Variants in CDH18 observed in about 807,000 individuals in gnomAD.
The protein encoded by CDH18 is cadherin-18.
In CDH18, 31 loss-of-function variants were observed where a neutral mutation model predicts 67.9. The ratio of observed to expected loss-of-function variants is 0.46; its 90% CI spans 0.34 to 0.62. The LOEUF (loss-of-function observed/expected upper bound fraction) is 0.62, where lower values mean the gene tolerates loss of function less well. CDH18 is among the 20% of genes least tolerant of loss of function. The pLI is 0.01. For missense variants in CDH18, 890 were observed against 975.5 expected (o/e 0.91, Z 1.17); for synonymous variants, 362 against 347.2 (o/e 1.04, Z -0.48).
At chr5:19,790,384 T>A (rs1561305666) in intron 3 of CDH18, among the ~76,000 whole-genome samples, 1 of 152,202 alleles carries the variant, frequency 6.6e-6, no homozygotes, top group Non-Finnish European at 1.5e-5. Context: ...ATATACTATG[T>A]GCGAGTGCTT....
At position 19,847,530 on chromosome 5, in the gene CDH18, T is replaced by C. The variant is rs546356552; in HGVS notation, c.-256-8288A>G. 3.2e-4 allele frequency among the ~76,000 whole-genome samples: 48 copies of C among 152,280 alleles called. No homozygotes were observed. The South Asian group carries it at 1.0e-2, about 32-fold the overall frequency. On this transcript the variant is annotated intron_variant, in intron 2 of 12. Coordinates refer to ENST00000382275, the MANE Select transcript of CDH18 (RefSeq NM_004934.5). The stretch of plus-strand genomic sequence containing the variant: ...GTTTTACTGAGCTTCTTGACATTTT[T>C]AAGATGGTTATTTTGAATTCTTTGT...
At chr5:20,201,434 G>A (rs781468455) in intron 2 of CDH18, among the ~76,000 whole-genome samples, 1 of 152,064 alleles carries the variant, frequency 6.6e-6, no homozygotes, top group Non-Finnish European at 1.5e-5. Flanking sequence ...AATGACATCA[G>A]TGAAGGCAAA....
intron 2 of CDH18, among the ~76,000 whole-genome samples, chr5:19,841,889 A>G (rs1428902413): frequency 6.6e-6 from 1 of 152,200 alleles, no homozygotes; most frequent in Non-Finnish European, 1.5e-5. Context: ...CTCAATTATG[A>G]CAATTATGAA....
In CDH18 at chr5:20,427,935, T is replaced by C. The variant is rs1411962341; in HGVS notation, c.-580+147527A>G. ...TTTTGACCCAACGTGTTTGTTTTTT[T>C]GTTTAATTTTACTTTAAGTTCTAGG... On this transcript the variant is annotated intron_variant, in intron 1 of 14. Transcript: ENST00000507958. 2.6e-5 allele frequency among the ~76,000 whole-genome samples: 4 copies of C among 151,360 alleles called. 1 individual carries two copies. The highest frequency in any genetic ancestry group is 9.8e-5 in the African/African-American group (4 of 40,624).
At chr5:20,393,779 C>T (rs1440008790) in intron 1 of CDH18, among the ~76,000 whole-genome samples, 1 of 151,520 alleles carries the variant, frequency 6.6e-6, no homozygotes, top group Non-Finnish European at 1.5e-5. Context: ...ACAACAGCTG[C>T]AAAAAATACA....
chr5:20,086,833 G>A (rs1744995882), intron 2 of CDH18, among the ~76,000 whole-genome samples: 1 of 152,128 alleles, frequency 6.6e-6, no homozygotes, highest in Admixed American at 6.6e-5. Context: ...ATGGAGATGT[G>A]TAAGAAGATG....
At chr5:19,727,133 A>G (rs1766946086) in intron 4 of CDH18, among the ~76,000 whole-genome samples, 1 of 152,202 alleles carries the variant, frequency 6.6e-6, no homozygotes, top group South Asian at 2.1e-4. Flanking sequence ...TAATCAATAA[A>G]CAAAAAGTAA....
intron 2 of CDH18, among the ~76,000 whole-genome samples, chr5:19,863,228 T>C (rs1785091986): frequency 6.6e-6 from 1 of 152,140 alleles, no homozygotes; most frequent in Non-Finnish European, 1.5e-5. Context: ...TTAGTTTAAG[T>C]ATAAGAGGCA....
At chr5:19,502,755 A>G (rs572994457) in intron 11 of CDH18, 40 of 512,404 alleles carry the variant, frequency 7.8e-5, no homozygotes, top group African/African-American at 6.5e-4. Flanking sequence ...GCCCAAGAGC[A>G]TATTACATGT....
intron 2 of CDH18, among the ~76,000 whole-genome samples, chr5:20,067,689 C>T (rs1018220584): frequency 6.6e-5 from 10 of 152,034 alleles, no homozygotes; most frequent in Admixed American, 1.3e-4. Flanking sequence ...GAAAGTCTTC[C>T]AGTGATTATG....
At chr5:20,189,529 C>A (rs1159452963) in intron 2 of CDH18, among the ~76,000 whole-genome samples, 1 of 152,148 alleles carries the variant, frequency 6.6e-6, no homozygotes, top group African/African-American at 2.4e-5. Flanking sequence ...CATACAAACA[C>A]ACACACTTAT....
At chr5:20,058,225 C>CA (rs1373748787) in intron 2 of CDH18, among the ~76,000 whole-genome samples, 1 of 151,856 alleles carries the variant, frequency 6.6e-6, no homozygotes, top group African/African-American at 2.4e-5. Context: ...TCTTTAAGCA[C>CA]AAAAAAGGAA....
chr5:19,591,095 C>A lies in CDH18; in HGVS notation c.961G>T (p.Asp321Tyr). 1.2e-6 allele frequency: 2 copies of A among 1,608,504 alleles called. No individual in the cohort carries two copies. The highest frequency in any genetic ancestry group is 1.7e-6 in the Non-Finnish European group (2 of 1,177,054). The change falls in exon 7 of 13, where the codon GAC (aspartate) becomes TAC (tyrosine). Residue 321 changes from aspartate to tyrosine, a missense_variant. Physicochemically the swap from Asp to Tyr is radical, Grantham distance 160 (BLOSUM62 -3). Coordinates refer to ENST00000382275, the MANE Select transcript of CDH18 (RefSeq NM_004934.5). Reference protein sequence around the residue: ...DGMGIFSISTDKETREGILSL... With the variant: ...DGMGIFSISTYKETREGILSL... ...AGGATTCCTTCTCTGGTCTCTTTGTCAGTGGAGATTGAGAATATTCCCATG... is the reference window on the plus strand; with the variant it reads ...AGGATTCCTTCTCTGGTCTCTTTGTAAGTGGAGATTGAGAATATTCCCATG...
rs760777430 is a variant in CDH18 at position 19,994,855 on chromosome 5, T to TATAGAGAG, written c.-517-2842_-517-2841insCTCTCTAT. Among the ~76,000 whole-genome samples the TATAGAGAG allele has an allele frequency of 8.6e-3, 582 of 67,582 alleles. 74 individuals carry two copies. Among genetic ancestry groups the TATAGAGAG allele is most frequent in the South Asian group, 0.015 (26 of 1,708 alleles). The allele number at this position is 67,582 out of a possible 152,430, so 44.3% of individuals were successfully genotyped here. The stretch of plus-strand genomic sequence containing the variant: ...ATATATATATATATATATATATATA[T>TATAGAGAG]AGAGAGAGAGAGAGAGAGAGAGATG... On this transcript the variant is annotated intron_variant, in intron 2 of 14. Transcript: ENST00000507958.
At chr5:19,475,863 C>T (rs1738375746) in intron 12 of CDH18, among the ~76,000 whole-genome samples, 1 of 151,904 alleles carries the variant, frequency 6.6e-6, no homozygotes, top group Admixed American at 6.6e-5. Flanking sequence ...AACATACTTT[C>T]CCCCCAGAAA....
intron 2 of CDH18, among the ~76,000 whole-genome samples, chr5:19,978,749 TTC>T (rs1164988574): frequency 6.6e-6 from 1 of 152,148 alleles, no homozygotes; most frequent in East Asian, 1.9e-4. Flanking sequence ...GACTGAGTCC[TTC>T]TCACATGATC....
At chr5:20,154,830 T>A (rs1457252970) in intron 2 of CDH18, among the ~76,000 whole-genome samples, 2 of 152,222 alleles carry the variant, frequency 1.3e-5, no homozygotes, top group Non-Finnish European at 2.9e-5. Flanking sequence ...GCCTCATTAA[T>A]GCCCTGACTT....
At chr5:19,510,512 C>A (rs1476022859) in intron 10 of CDH18, among the ~76,000 whole-genome samples, 1 of 152,096 alleles carries the variant, frequency 6.6e-6, no homozygotes, top group East Asian at 1.9e-4. Context: ...TTAAAGGCAA[C>A]AATGGTAGCT....
intron 1 of CDH18, among the ~76,000 whole-genome samples, chr5:20,356,030 T>A (rs1381135405): frequency 2.0e-5 from 3 of 152,200 alleles, no homozygotes; most frequent in Non-Finnish European, 4.4e-5. Context: ...AATAGGAATA[T>A]CAGTACATTT....
Sources: gnomAD v4.1 joint callset for allele counts (sites outside exome capture counted in the v4.1 genomes callset) on GRCh38, gnomAD v4.1.1 for gene constraint, MANE v1.5 for transcripts, NCBI Gene and HGNC (gene_info 2026-07-23, HGNC 2026-07-21) for gene names.